Variants in CPNE4 observed in about 807,000 individuals in gnomAD.
CPNE4 encodes copine-4.
In CPNE4, 25 loss-of-function variants were observed where a neutral mutation model predicts 67.9. That is an observed-to-expected ratio of 0.37 (90% CI 0.27 to 0.51). The LOEUF is 0.51. Among genes scored for constraint, CPNE4 ranks in the 20% least tolerant of loss-of-function variants. The probability of loss-of-function intolerance (pLI) is 0.93; values close to 1 mark genes in which losing one functional copy is unlikely to be tolerated. For synonymous variants in CPNE4, 242 were observed against 244.9 expected (o/e 0.99, Z 0.11); for missense variants, 464 against 690.8 (o/e 0.67, Z 3.68).
In CPNE4 at chr3:131,710,675, C is replaced by T. The variant is rs376928746; in HGVS notation, c.361-10695G>A. On this transcript the variant is annotated intron_variant, in intron 3 of 15. Transcript: ENST00000429747. The stretch of plus-strand genomic sequence containing the variant: ...AGAGCCTAATTCATAATTTATCAAG[C>T]GGGGCTTCACATAACATAATATCTG... Among the ~76,000 whole-genome samples, 111 of 152,250 alleles carry T rather than the reference C, an allele frequency of 7.3e-4. 4 individuals are homozygous for T. In the South Asian group the frequency reaches 0.015, roughly 20 times the overall value.
intron 1 of CPNE4, among the ~76,000 whole-genome samples, chr3:132,013,942 T>C (rs887588323): frequency 6.6e-6 from 1 of 152,068 alleles, no homozygotes; most frequent in African/African-American, 2.4e-5. Flanking sequence ...GCAACCAATA[T>C]AGGTGATCAA....
At chr3:131,778,076 G>T (rs952834531) in intron 2 of CPNE4, among the ~76,000 whole-genome samples, 13 of 152,034 alleles carry the variant, frequency 8.6e-5, no homozygotes, top group African/African-American at 3.1e-4. Context: ...AGCCTGCCTT[G>T]GTCTTGCCCT....
At chr3:132,027,587 G>A (rs1392703418) in intron 1 of CPNE4, among the ~76,000 whole-genome samples, 1 of 152,022 alleles carries the variant, frequency 6.6e-6, no homozygotes, top group Non-Finnish European at 1.5e-5. Flanking sequence ...TCTGACAATG[G>A]CTTCTCGGGA....
At chr3:131,875,023 C>A (rs1233120751) in intron 2 of CPNE4, among the ~76,000 whole-genome samples, 5 of 152,144 alleles carry the variant, frequency 3.3e-5, no homozygotes, top group African/African-American at 4.8e-5. Flanking sequence ...CACAATAAAT[C>A]TATGAAATAG....
chr3:131,679,538 C>A (rs1240449616), intron 6 of CPNE4, among the ~76,000 whole-genome samples: 3 of 152,106 alleles, frequency 2.0e-5, no homozygotes, highest in Admixed American at 2.0e-4. Context: ...AACTTGAGAT[C>A]TTTCTAGCTT....
intron 7 of CPNE4, among the ~76,000 whole-genome samples, chr3:131,617,922 T>C (rs1027366640): frequency 2.6e-5 from 4 of 152,198 alleles, no homozygotes; most frequent in Non-Finnish European, 5.9e-5. Context: ...ATTCATTCAT[T>C]CATTAATTTC....
At chr3:131,976,061 A>AT (rs2072643589) in intron 1 of CPNE4, among the ~76,000 whole-genome samples, 1 of 149,726 alleles carries the variant, frequency 6.7e-6, no homozygotes, top group Non-Finnish European at 1.5e-5. Flanking sequence ...TTAAAACTTA[A>AT]TAATCTGTCA....
intron 6 of CPNE4, among the ~76,000 whole-genome samples, chr3:131,676,531 A>T (rs1367834504): frequency 6.6e-6 from 1 of 151,888 alleles, no homozygotes; most frequent in African/African-American, 2.4e-5. Context: ...TCTCCCTCCT[A>T]CCACCTTCTG....
At chr3:131,978,050 TATATATAA>T in intron 1 of CPNE4, among the ~76,000 whole-genome samples, 1 of 41,220 alleles carries the variant, frequency 2.4e-5, no homozygotes, top group East Asian at 8.4e-4. Flanking sequence ...CCATCATAGA[TATATATAA>T]ATATATATAA....
At chr3:131,586,284 C>T (rs1030954886) in intron 8 of CPNE4, among the ~76,000 whole-genome samples, 2 of 152,040 alleles carry the variant, frequency 1.3e-5, no homozygotes, top group Non-Finnish European at 2.9e-5. Context: ...CCCCAAGAAG[C>T]AAATTTGAGG....
chr3:131,974,259 G>A (rs1435509780), intron 1 of CPNE4, among the ~76,000 whole-genome samples: 1 of 152,072 alleles, frequency 6.6e-6, no homozygotes, highest in East Asian at 1.9e-4. Context: ...CTTCACAATG[G>A]TAATTGTAAA....
chr3:131,690,204 G>A (rs1370008189), intron 5 of CPNE4, among the ~76,000 whole-genome samples: 3 of 152,040 alleles, frequency 2.0e-5, no homozygotes, highest in African/African-American at 7.2e-5. Context: ...AAATTCATAT[G>A]GAACAAAAAA....
intron 1 of CPNE4, among the ~76,000 whole-genome samples, chr3:131,946,568 C>G (rs2107872711): frequency 6.6e-6 from 1 of 152,124 alleles, no homozygotes; most frequent in East Asian, 1.9e-4. Flanking sequence ...TATTGAAGTT[C>G]TTTGCACATT....
chr3:132,005,966 A>T (rs1435519641), intron 1 of CPNE4, among the ~76,000 whole-genome samples: 1 of 152,140 alleles, frequency 6.6e-6, no homozygotes, highest in African/African-American at 2.4e-5. Flanking sequence ...GAGGTTATTA[A>T]CATCTCTGAG....
chr3:132,036,286 A>C (rs531601873), upstream of CPNE4, among the ~76,000 whole-genome samples: 1 of 152,296 alleles, frequency 6.6e-6, no homozygotes, highest in East Asian at 1.9e-4. Context: ...ATGGCTATGC[A>C]TAAGTCAATC....
chr3:131,644,089 ACCC>A (rs1221120478), intron 7 of CPNE4, among the ~76,000 whole-genome samples: 4 of 151,798 alleles, frequency 2.6e-5, no homozygotes, highest in Non-Finnish European at 4.4e-5. Context: ...AGCATGCATC[ACCC>A]AGAGGGCTTG....
At chr3:131,747,802 G>A (rs1178713784) in intron 2 of CPNE4, among the ~76,000 whole-genome samples, 1 of 152,062 alleles carries the variant, frequency 6.6e-6, no homozygotes, top group Non-Finnish European at 1.5e-5. Context: ...ATGTAAATAG[G>A]AACAGTTTTA....
At chr3:131,648,606 TA>T (rs2079728617) in intron 7 of CPNE4, among the ~76,000 whole-genome samples, 1 of 152,238 alleles carries the variant, frequency 6.6e-6, no homozygotes, top group Non-Finnish European at 1.5e-5. Context: ...ATTCAGCAAT[TA>T]CTTATAATTG....
intron 1 of CPNE4, among the ~76,000 whole-genome samples, chr3:131,980,346 ATTGT>A (rs936814855): frequency 6.6e-6 from 1 of 152,034 alleles, no homozygotes; most frequent in African/African-American, 2.4e-5. Flanking sequence ...CTTAGGTTTG[ATTGT>A]TTAACATAAT....
Sources: allele counts gnomAD v4.1 joint callset (sites outside exome capture counted in the v4.1 genomes callset), GRCh38; gene constraint gnomAD v4.1.1; transcripts MANE v1.5; gene names NCBI Gene and HGNC (gene_info 2026-07-23, HGNC 2026-07-21).